TLK1: variants seen among roughly 807,000 people sequenced by gnomAD.
TLK1 encodes the protein serine/threonine-protein kinase tousled-like 1.
In TLK1, 24 loss-of-function variants were observed where a neutral mutation model predicts 105.3. The ratio of observed to expected loss-of-function variants is 0.23; its 90% CI spans 0.17 to 0.32. TLK1 has a LOEUF of 0.32. Among genes scored for constraint, TLK1 ranks in the 10% least tolerant of loss-of-function variants. The pLI, the probability that TLK1 is intolerant of heterozygous loss-of-function variation, is 1.00. For missense variants in TLK1, 558 were observed against 910.5 expected (o/e 0.61, Z 4.98); for synonymous variants, 321 against 310.4 (o/e 1.03, Z -0.36).
chr2:171,114,416 G>C (rs1690319553), intron 2 of TLK1, among the ~76,000 whole-genome samples: 1 of 152,182 alleles, frequency 6.6e-6, no homozygotes, highest in Non-Finnish European at 1.5e-5. Flanking sequence ...TAAAAGTAGA[G>C]GCCCAACCTT....
chr2:171,091,724 G>A (rs2105490668), intron 2 of TLK1: 1 of 70,588 alleles, frequency 1.4e-5, no homozygotes, highest in African/African-American at 5.0e-5. Context: ...CTTTGTTGTT[G>A]TTGTTGTTGT....
At chr2:171,101,249 G>C (rs758676637) in intron 2 of TLK1, among the ~76,000 whole-genome samples, 1 of 148,594 alleles carries the variant, frequency 6.7e-6, no homozygotes, top group Non-Finnish European at 1.5e-5. Context: ...AGGAGGCTGA[G>C]GCAGGAGAAT....
At chr2:171,092,703 T>C (rs908282837) in intron 2 of TLK1, among the ~76,000 whole-genome samples, 5 of 152,200 alleles carry the variant, frequency 3.3e-5, no homozygotes, top group Non-Finnish European at 7.3e-5. Context: ...CTATGCTTGC[T>C]CTGCTGTGGT....
chr2:171,194,469 T>C (rs2105315965), intron 1 of TLK1, among the ~76,000 whole-genome samples: 1 of 152,264 alleles, frequency 6.6e-6, no homozygotes, highest in South Asian at 2.1e-4. Context: ...AAAGTAAAGC[T>C]TTGGGGGTTG....
At chr2:171,022,997 C>G in intron 12 of TLK1, 1 of 464,776 alleles carries the variant, frequency 2.2e-6, no homozygotes, top group Non-Finnish European at 4.5e-6. Flanking sequence ...TTGTTCTTGA[C>G]CTGTAAAGAT....
At chr2:171,097,613 G>C (rs1040573186) in intron 2 of TLK1, among the ~76,000 whole-genome samples, 3 of 152,082 alleles carry the variant, frequency 2.0e-5, no homozygotes, top group Admixed American at 2.0e-4. Flanking sequence ...TAACTCAAGA[G>C]CAAGACAACA....
At chr2:171,148,438 T>C (rs889197798) in intron 1 of TLK1, among the ~76,000 whole-genome samples, 3 of 152,196 alleles carry the variant, frequency 2.0e-5, no homozygotes, top group South Asian at 2.1e-4. Flanking sequence ...TTTGTCATTG[T>C]TGCTCTTGGT....
intron 2 of TLK1, among the ~76,000 whole-genome samples, chr2:171,113,419 C>T (rs558326947): frequency 7.2e-5 from 11 of 151,928 alleles, no homozygotes; most frequent in South Asian, 2.1e-4. Context: ...TACAGGCACC[C>T]GCCACCATGC....
intron 18 of TLK1, among the ~76,000 whole-genome samples, chr2:171,004,561 T>C (rs1453615612): frequency 6.6e-6 from 1 of 152,212 alleles, no homozygotes; most frequent in African/African-American, 2.4e-5. Flanking sequence ...CATAAGCTCT[T>C]TGTCCCTCGA....
chr2:171,204,194 C>A (rs1444774540), intron 1 of TLK1, among the ~76,000 whole-genome samples: 1 of 152,156 alleles, frequency 6.6e-6, no homozygotes, highest in African/African-American at 2.4e-5. Context: ...TAGAATATTT[C>A]TCCATTACAC....
At chr2:171,172,046 T>G (rs939848856) in intron 1 of TLK1, among the ~76,000 whole-genome samples, 5 of 152,194 alleles carry the variant, frequency 3.3e-5, no homozygotes. Flanking sequence ...AATAAATAAA[T>G]TATAGAATAT....
intron 5 of TLK1, among the ~76,000 whole-genome samples, chr2:171,057,057 T>TC (rs926151512): frequency 6.6e-6 from 1 of 151,986 alleles, no homozygotes; most frequent in East Asian, 1.9e-4. Flanking sequence ...TTATAATAGG[T>TC]CCCTTCCCTC....
At chr2:171,055,762 C>T (rs1185134917) in intron 6 of TLK1, among the ~76,000 whole-genome samples, 2 of 151,770 alleles carry the variant, frequency 1.3e-5, no homozygotes, top group African/African-American at 4.8e-5. Context: ...AAAACAAAAC[C>T]AAGTATGTCT....
intron 10 of TLK1, among the ~76,000 whole-genome samples, 199 bp from the exon 11 acceptor site, chr2:171,046,561 C>A (rs1410557294): frequency 6.6e-6 from 1 of 152,052 alleles, no homozygotes; most frequent in Non-Finnish European, 1.5e-5. Context: ...TTCTCTAAAC[C>A]CCTAGATTAG....
rs911711641 is a variant in TLK1, at chr2:171,159,302, G to C, written c.139+988C>G. Among the ~76,000 whole-genome samples the C allele has an allele frequency of 4.6e-5, 7 of 152,294 alleles. No homozygotes were observed. In the South Asian group the frequency reaches 6.2e-4, roughly 14 times the overall value. ...CTAAGCTTTTTCCAGACTAAAGAGC[G>C]TTAAAAGACATTCCATGCACATTTA... On this transcript the variant is annotated intron_variant, in intron 1 of 20. Coordinates refer to ENST00000431350, the MANE Select transcript of TLK1 (RefSeq NM_012290.5).
chr2:171,113,117 G>A (rs191985025), intron 2 of TLK1, among the ~76,000 whole-genome samples: 33 of 152,092 alleles, frequency 2.2e-4, no homozygotes, highest in South Asian at 4.2e-4. Flanking sequence ...AAGAGTAAAC[G>A]AGAGATTTTA....
At chr2:171,034,812 T>C (rs1460818707) in intron 11 of TLK1, among the ~76,000 whole-genome samples, 2 of 152,174 alleles carry the variant, frequency 1.3e-5, no homozygotes, top group Non-Finnish European at 2.9e-5. Context: ...AAACTAGTCT[T>C]CCTTTGAAGA....
intron 1 of TLK1, among the ~76,000 whole-genome samples, chr2:171,193,700 ATTTTTTTTTTTTTTTT>A (rs35175399): frequency 2.9e-4 from 19 of 64,632 alleles, no homozygotes; most frequent in Admixed American, 4.5e-4. Context: ...AGCGCCTGGC[ATTTTTTTTTTTTTTTT>A]TTTTTTTTTT....
chr2:171,061,026 A>C (rs887865872), intron 4 of TLK1, 55 bp downstream of exon 4: 1 of 1,529,306 alleles, frequency 6.5e-7, no homozygotes, highest in African/African-American at 1.4e-5. Flanking sequence ...TTAAAAATTA[A>C]AACAATTAAT....
Sources: allele counts gnomAD v4.1 joint callset (sites outside exome capture counted in the v4.1 genomes callset), GRCh38; gene constraint gnomAD v4.1.1; transcripts MANE v1.5; gene names NCBI Gene and HGNC (gene_info 2026-07-23, HGNC 2026-07-21).